The following SH3RF3 variants were observed in gnomAD, a reference collection of about 807,000 sequenced individuals.
SH3RF3 encodes the protein E3 ubiquitin-protein ligase SH3RF3.
In SH3RF3, 29 loss-of-function variants were observed where a neutral mutation model predicts 66.3. The observed-to-expected ratio is 0.44, with a 90% CI of 0.33 to 0.60. SH3RF3 has a LOEUF of 0.60. SH3RF3 is among the 20% of genes least tolerant of loss of function. SH3RF3 has a pLI of 0.04. For missense variants in SH3RF3, 1,194 were observed against 1,190.9 expected (o/e 1.00, Z -0.04); for synonymous variants, 583 against 532.0 (o/e 1.10, Z -1.32).
chr2:109,424,875 C>T (rs528552686), intron 5 of SH3RF3, among the ~76,000 whole-genome samples: 20 of 152,248 alleles, frequency 1.3e-4, no homozygotes, highest in African/African-American at 4.3e-4. Context: ...AAGCTAGAGT[C>T]GAACATCTCT....
intron 1 of SH3RF3, among the ~76,000 whole-genome samples, chr2:109,228,015 G>T (rs1679411610): frequency 6.6e-6 from 1 of 152,110 alleles, no homozygotes; most frequent in Admixed American, 6.5e-5. Context: ...GTGGGGAATA[G>T]TTCAGTGTTT....
chr2:109,297,498 C>A (rs1203378458), intron 1 of SH3RF3, among the ~76,000 whole-genome samples: 1 of 151,962 alleles, frequency 6.6e-6, no homozygotes, highest in African/African-American at 2.4e-5. Flanking sequence ...CCCACCAGAC[C>A]AGTGCCTCCG....
At chr2:109,400,463 A>G (rs984349438) in intron 4 of SH3RF3, among the ~76,000 whole-genome samples, 5 of 152,084 alleles carry the variant, frequency 3.3e-5, no homozygotes, top group African/African-American at 1.2e-4. Flanking sequence ...ATGCACACAC[A>G]TACACATGTG....
At chr2:109,221,461 T>G (rs924237480) in intron 1 of SH3RF3, among the ~76,000 whole-genome samples, 2 of 151,856 alleles carry the variant, frequency 1.3e-5, no homozygotes, top group Non-Finnish European at 2.9e-5. Context: ...TGCACGCCTG[T>G]AATCCCAGCT....
intron 4 of SH3RF3, among the ~76,000 whole-genome samples, chr2:109,416,532 G>A (rs201585963): frequency 1.8e-3 from 271 of 152,260 alleles, no homozygotes; most frequent in Non-Finnish European, 2.3e-3. Context: ...TTACAGGCGT[G>A]CGCCATCATG....
chr2:109,445,095 G>A (rs188397664), intron 7 of SH3RF3, among the ~76,000 whole-genome samples: 1 of 152,302 alleles, frequency 6.6e-6, no homozygotes, highest in Admixed American at 6.5e-5. Context: ...AGTTGAAAGT[G>A]GAATTAGTGA....
chr2:109,156,080 T>C (rs1482194195), intron 1 of SH3RF3, among the ~76,000 whole-genome samples: 1 of 152,224 alleles, frequency 6.6e-6, no homozygotes, highest in Non-Finnish European at 1.5e-5. Context: ...TCCTCTCCTC[T>C]TTGGCTGCCA....
At chr2:109,375,199 G>A (rs188288068) in intron 3 of SH3RF3, among the ~76,000 whole-genome samples, 5 of 152,362 alleles carry the variant, frequency 3.3e-5, no homozygotes, top group African/African-American at 7.2e-5. Flanking sequence ...TGTGCTCACC[G>A]GAGATACCTC....
At chr2:109,158,456 C>T (rs1677403839) in intron 1 of SH3RF3, among the ~76,000 whole-genome samples, 1 of 152,158 alleles carries the variant, frequency 6.6e-6, no homozygotes, top group Admixed American at 6.5e-5. Context: ...CAGCTGAGGG[C>T]AGGTTCAGTC....
chr2:109,479,799 G>A (rs1348608582), intron 8 of SH3RF3, among the ~76,000 whole-genome samples: 5 of 152,106 alleles, frequency 3.3e-5, no homozygotes, highest in Admixed American at 6.5e-5. Context: ...TACGGGTTTC[G>A]CAGACCCCCA....
chr2:109,380,624 G>C (rs373654323), intron 3 of SH3RF3, among the ~76,000 whole-genome samples: 63 of 152,310 alleles, frequency 4.1e-4, no homozygotes, highest in African/African-American at 1.4e-3. Context: ...ACAGTGAGTA[G>C]CCCTGACCGC....
intron 1 of SH3RF3, among the ~76,000 whole-genome samples, chr2:109,326,068 G>A (rs867003762): frequency 6.6e-6 from 1 of 152,210 alleles, no homozygotes; most frequent in African/African-American, 2.4e-5. Flanking sequence ...GGTATCCTGG[G>A]CGTATGCCAC....
intron 6 of SH3RF3, among the ~76,000 whole-genome samples, chr2:109,435,821 A>G (rs1427975478): frequency 6.6e-6 from 1 of 152,234 alleles, no homozygotes; most frequent in Non-Finnish European, 1.5e-5. Flanking sequence ...ATGATAGAAA[A>G]TGGGATTTTT....
At chr2:109,154,077 C>T (rs781640771) in intron 1 of SH3RF3, among the ~76,000 whole-genome samples, 3 of 152,152 alleles carry the variant, frequency 2.0e-5, no homozygotes, top group Non-Finnish European at 4.4e-5. Flanking sequence ...AAAGTATGAA[C>T]ACTGTCAATA....
rs1676656881 is a variant in SH3RF3 at position 109,130,223 on chromosome 2, G to A, written c.573+110G>A. 4.7e-6 allele frequency: 5 copies of A among 1,054,742 alleles called. No individual in the cohort carries two copies. In the South Asian group the frequency reaches 1.8e-4, roughly 38 times the overall value. 65.3% of individuals were successfully genotyped at this position (1,054,742 alleles called of 1,614,324 possible). A position where few individuals can be genotyped will look rare whatever the true frequency, so the allele number is the denominator to read the frequency against. On this transcript the variant is annotated intron_variant, in intron 1 of 9. Coordinates refer to ENST00000309415, the MANE Select transcript of SH3RF3 (RefSeq NM_001099289.3). Reference sequence around the variant, plus strand: ...CGGAGGAGACCACGGGTGGTCCTGCGTTGGCCCACTCCGCTGTTGCTCTTC... The same window carrying A: ...CGGAGGAGACCACGGGTGGTCCTGCATTGGCCCACTCCGCTGTTGCTCTTC...
intron 1 of SH3RF3, among the ~76,000 whole-genome samples, chr2:109,311,290 C>G (rs1345557783): frequency 1.4e-5 from 1 of 69,584 alleles, no homozygotes; most frequent in African/African-American, 6.6e-5. Flanking sequence ...CAAAATTCAA[C>G]AACCCTTCAT....
rs545222183 is a variant in SH3RF3, at chr2:109,274,214, AT to A, written c.574-73457del. 2.0e-5 allele frequency among the ~76,000 whole-genome samples: 3 copies of A among 152,318 alleles called. No homozygotes were observed. The East Asian group carries it at 5.8e-4, about 29-fold the overall frequency. ...ATTCCTTGGAACAAACATTATGGAG[AT>A]TTGAGATTTCAAGTTCATTGGTCCT... On this transcript the variant is annotated intron_variant, in intron 1 of 9. Coordinates refer to ENST00000309415, the MANE Select transcript of SH3RF3 (RefSeq NM_001099289.3).
chr2:109,145,588 G>A (rs927043007), intron 1 of SH3RF3, among the ~76,000 whole-genome samples: 2 of 152,198 alleles, frequency 1.3e-5, no homozygotes, highest in Non-Finnish European at 2.9e-5. Flanking sequence ...ACTGTTGCAC[G>A]CATGGTCGAG....
chr2:109,334,389 A>G (rs1682358760), intron 1 of SH3RF3, among the ~76,000 whole-genome samples: 1 of 151,690 alleles, frequency 6.6e-6, no homozygotes, highest in Admixed American at 6.6e-5. Context: ...CTTAAAAAAA[A>G]ATAAAGACCA....
Sources: allele counts gnomAD v4.1 joint callset (sites outside exome capture counted in the v4.1 genomes callset), GRCh38; gene constraint gnomAD v4.1.1; transcripts MANE v1.5; gene names NCBI Gene and HGNC (gene_info 2026-07-23, HGNC 2026-07-21).